Variants in RBM27 observed in about 807,000 individuals in gnomAD.
RBM27 encodes the protein RNA-binding protein 27.
A neutral mutation model predicts 135.3 loss-of-function variants in RBM27; 22 were observed. That is an observed-to-expected ratio of 0.16 (90% confidence interval 0.12 to 0.23). The LOEUF is 0.23. Among genes scored for constraint, RBM27 ranks in the 10% least tolerant of loss-of-function variants. The pLI is 1.00. For missense variants in RBM27, 1,009 were observed against 1,281.0 expected (o/e 0.79, Z 3.24); for synonymous variants, 481 against 442.4 (o/e 1.09, Z -1.10).
rs1435697868 is a variant in RBM27 at position 146,251,872 on chromosome 5, C to G, written c.1441C>G (p.Pro481Ala). 5 of 1,613,636 alleles carry G rather than the reference C, an allele frequency of 3.1e-6. No individual in the cohort carries two copies. Among genetic ancestry groups the G allele is most frequent in the Non-Finnish European group, 3.4e-6 (4 of 1,179,710 alleles). Residue 481 changes from proline to alanine, a missense_variant, in exon 9 of 21, where the codon CCA becomes GCA. Pro to Ala is a conservative substitution (Grantham distance 27). Coordinates refer to ENST00000265271, the MANE Select transcript of RBM27 (RefSeq NM_018989.2). ...AGTCTCCAGCCCTACCCCTCTGGTTCCAGGTAAGCTTTGCTACAGATGGCC... is the reference window on the plus strand; with the variant it reads ...AGTCTCCAGCCCTACCCCTCTGGTTGCAGGTAAGCTTTGCTACAGATGGCC... ...TSVSSPTPLV[P>A]DTYEPDGYNP...
intron 14 of RBM27, among the ~76,000 whole-genome samples, chr5:146,265,845 A>G (rs1489742966): frequency 7.2e-5 from 11 of 152,204 alleles, no homozygotes; most frequent in Admixed American, 7.2e-4. Flanking sequence ...AGAGAGATAG[A>G]AGATAGATAA....
chr5:146,278,594 T>C (rs925584929), intron 19 of RBM27, among the ~76,000 whole-genome samples: 9 of 152,190 alleles, frequency 5.9e-5, no homozygotes, highest in Admixed American at 5.2e-4. Context: ...TTATATTAGA[T>C]TTTAAATTGT....
rs1391675088 is a variant in RBM27, at chr5:146,263,586, A to G, written c.2286A>G (p.Ala762=). 1.2e-6 allele frequency: 2 copies of G among 1,614,082 alleles called. No homozygotes were observed. The highest frequency in any genetic ancestry group is 1.7e-6 in the Non-Finnish European group (2 of 1,180,034). Residue 762 remains alanine (A), a synonymous_variant, in exon 14 of 21, where the codon GCA becomes GCG. Coordinates refer to ENST00000265271, the MANE Select transcript of RBM27 (RefSeq NM_018989.2). ...LGHAGGNQSD[A]SHLLNQSGGA... ...ATGCAGGTGGTAACCAGAGTGATGC[A>G]TCACATTTGTTGAATCAGTCTGGTG...
chr5:146,229,379 A>G (rs1756823719), intron 4 of RBM27, among the ~76,000 whole-genome samples: 1 of 152,144 alleles, frequency 6.6e-6, no homozygotes, highest in Admixed American at 6.5e-5. Context: ...TTGTATATTG[A>G]ATCATCAGCC....
intron 16 of RBM27, 33 bp downstream of exon 16, chr5:146,269,314 A>C: frequency 6.5e-7 from 1 of 1,537,324 alleles, no homozygotes; most frequent in East Asian, 2.3e-5. Flanking sequence ...GCATGCTAGA[A>C]TTGATGTATA....
At position 146,269,528 on chromosome 5, in the gene RBM27, G is replaced by A; in HGVS notation, c.2635G>A (p.Glu879Lys). 6.3e-7 allele frequency: 1 copy of A among 1,578,354 alleles called. No homozygotes were observed. Among genetic ancestry groups the A allele is most frequent in the Non-Finnish European group, 8.6e-7 (1 of 1,167,350 alleles). The part of the protein sequence containing the change: ...LGEKISQLKD[E>K]LKTSSAVSTP... ...AGAGAAGATCTCACAATTAAAAGAT[G>A]AATTAAAAACATCTTCTGCAGTCTC... The change falls in exon 17 of 21, where the codon GAA becomes AAA. Residue 879 changes from glutamate to lysine, a missense_variant. By Grantham distance (56) the Glu-to-Lys change is moderately conservative (BLOSUM62 1). Coordinates refer to ENST00000265271, the MANE Select transcript of RBM27 (RefSeq NM_018989.2).
Position 146,219,049 on chromosome 5 carries a change from G to A in RBM27, c.124G>A (p.Glu42Lys), listed in dbSNP as rs748729581. The change falls in exon 2 of 21, where the codon GAG (glutamate) becomes AAG (lysine). Residue 42 changes from glutamate to lysine, a missense_variant. Physicochemically the swap from Glu to Lys is moderately conservative, Grantham distance 56 (BLOSUM62 1). Coordinates refer to ENST00000265271, the MANE Select transcript of RBM27 (RefSeq NM_018989.2). ...VVALVKKDKP[E>K]KELKAFCADQ... ...AGCACTGGTCAAGAAGGACAAACCT[G>A]AGAAAGAATTAAAAGCCTTTTGTGC... The A allele has an allele frequency of 1.2e-6, 2 of 1,613,670 alleles. No individual in the cohort carries two copies. The highest frequency in any genetic ancestry group is 1.7e-6 in the Non-Finnish European group (2 of 1,179,830).
chr5:146,271,524 C>T lies in RBM27; in HGVS notation c.2838C>T (p.Thr946=), dbSNP rs1758863190. The change falls in exon 19 of 21, where the codon ACC becomes ACT. Residue 946 remains threonine (T), a synonymous_variant. Transcript: ENST00000265271. ...LGILPVGRGK[T]MSSQGRGRGR... ...TTTTACCTGTGGGTCGAGGAAAGAC[C>T]ATGTCCTCTCAAGGTCGAGGAAGAG... 6.2e-7 allele frequency: 1 copy of T among 1,613,454 alleles called. No individual in the cohort carries two copies.
At position 146,203,619 on chromosome 5, in the gene RBM27, C is replaced by A; in HGVS notation, c.-147C>A. On this transcript the variant is annotated 5_prime_UTR_variant, in exon 1 of 21. Transcript: ENST00000265271. The stretch of plus-strand genomic sequence containing the variant: ...GCTCTTGGGTTAGTTCCTGTTAGGC[C>A]CCGGCCGGGGGAGTAGGTTGAAGTC... 2 of 706,462 alleles carry A rather than the reference C, an allele frequency of 2.8e-6. No homozygotes were observed. The highest frequency in any genetic ancestry group is 4.8e-6 in the Non-Finnish European group (2 of 416,508). The allele number at this position is 706,462 out of a possible 1,614,324, so 43.8% of individuals were successfully genotyped here.
intron 19 of RBM27, among the ~76,000 whole-genome samples, chr5:146,279,858 A>G (rs1248038489): frequency 6.6e-6 from 1 of 151,500 alleles, no homozygotes; most frequent in Non-Finnish European, 1.5e-5. Context: ...TCTCCCTTTT[A>G]TTAATCTTTT....
intron 11 of RBM27, among the ~76,000 whole-genome samples, chr5:146,259,978 T>TAAAAAAAAAAA (rs1464037364): frequency 3.8e-5 from 1 of 26,396 alleles, no homozygotes; most frequent in Non-Finnish European, 5.6e-5. Flanking sequence ...AGACTCCGTC[T>TAAAAAAAAAAA]CAAAAAAAAA....
chr5:146,274,363 T>A (rs989175467), intron 19 of RBM27, among the ~76,000 whole-genome samples: 1 of 152,114 alleles, frequency 6.6e-6, no homozygotes, highest in Non-Finnish European at 1.5e-5. Flanking sequence ...TTCAAGCGAT[T>A]CTCGTGCCTC....
At chr5:146,279,178 G>T (rs376150562) in intron 19 of RBM27, among the ~76,000 whole-genome samples, 1 of 151,762 alleles carries the variant, frequency 6.6e-6, no homozygotes, top group Non-Finnish European at 1.5e-5. Flanking sequence ...GGCTGGGTGC[G>T]GTGGCTCACA....
intron 3 of RBM27, among the ~76,000 whole-genome samples, chr5:146,225,301 A>G (rs1463759909): frequency 2.0e-5 from 3 of 151,596 alleles, no homozygotes; most frequent in Non-Finnish European, 4.4e-5. Context: ...TTTCCTCTCC[A>G]TTTTCAGGAT....
rs542502906 is a variant in RBM27 at position 146,265,192 on chromosome 5, C to G, written c.2331+1561C>G. 9.9e-5 allele frequency among the ~76,000 whole-genome samples: 15 copies of G among 152,044 alleles called. No individual in the cohort carries two copies. In the East Asian group the frequency reaches 2.7e-3, roughly 27 times the overall value. Reference sequence around the variant, plus strand: ...ATAATAACAAAAGACTGGAAACAACCCAAATACCCATCTGTAGGGGACTGG... The same window carrying G: ...ATAATAACAAAAGACTGGAAACAACGCAAATACCCATCTGTAGGGGACTGG... On this transcript the variant is annotated intron_variant, in intron 14 of 20. Coordinates refer to ENST00000265271, the MANE Select transcript of RBM27 (RefSeq NM_018989.2).
chr5:146,248,793 T>C lies in RBM27; in HGVS notation c.1280-2918T>C, dbSNP rs991398305. Among the ~76,000 whole-genome samples, 11 of 152,124 alleles carry C rather than the reference T, an allele frequency of 7.2e-5. 1 individual carries two copies. Among genetic ancestry groups the C allele is most frequent in the Admixed American group, 3.3e-4 (5 of 15,260 alleles). ...TCTGTATGTTCTTTGTCAGTAGTTT[T>C]AAAAACAGACATTGGGCAAAGTAGC... On this transcript the variant is annotated intron_variant, in intron 8 of 20. Coordinates refer to ENST00000265271, the MANE Select transcript of RBM27 (RefSeq NM_018989.2).
At chr5:146,261,031 A>G (rs1758373929) in intron 12 of RBM27, 133 bp downstream of exon 12, 7 of 834,038 alleles carry the variant, frequency 8.4e-6, no homozygotes, top group Middle Eastern at 2.8e-4. Flanking sequence ...ATGCCACCAT[A>G]TATCTATATA....
intron 2 of RBM27, among the ~76,000 whole-genome samples, chr5:146,221,898 T>A (rs936525698): frequency 1.3e-5 from 2 of 152,216 alleles, no homozygotes; most frequent in East Asian, 1.9e-4. Context: ...AATAACATTT[T>A]AAAAATTTAA....
intron 8 of RBM27, among the ~76,000 whole-genome samples, chr5:146,244,809 T>C (rs1211819424): frequency 6.6e-6 from 1 of 152,198 alleles, no homozygotes; most frequent in East Asian, 1.9e-4. Flanking sequence ...CCCAAAGTGC[T>C]GGGATTACAG....
Sources: gnomAD v4.1 joint callset for allele counts (sites outside exome capture counted in the v4.1 genomes callset) on GRCh38, gnomAD v4.1.1 for gene constraint, MANE v1.5 for transcripts, NCBI Gene and HGNC (gene_info 2026-07-23, HGNC 2026-07-21) for gene names.